NXN: variants seen among roughly 807,000 people sequenced by gnomAD.
NXN encodes the protein nucleoredoxin 1.
A neutral mutation model predicts 48.6 loss-of-function variants in NXN; 16 were observed. The ratio of observed to expected loss-of-function variants is 0.33; its 90% CI spans 0.22 to 0.50. The LOEUF (loss-of-function observed/expected upper bound fraction) is 0.50. Among genes scored for constraint, NXN ranks in the 20% least tolerant of loss-of-function variants. The pLI is 0.98. For missense variants in NXN, 492 were observed against 605.5 expected (o/e 0.81, Z 1.97); for synonymous variants, 281 against 269.6 (o/e 1.04, Z -0.41).
chr17:979,712 A>C lies in NXN; in HGVS notation c.-34T>G, dbSNP rs201224947. On this transcript the variant is annotated 5_prime_UTR_variant, in exon 1 of 8. Transcript: ENST00000336868. ...ACCGCAGGGCGGGCAGGCGGCTGCG[A>C]CCCCGCTCCACGGTCCGCGCGGCGG... 9.3e-3 allele frequency: 12,380 copies of C among 1,324,610 alleles called. 111 individuals carry two copies. The highest frequency in any genetic ancestry group is 0.03 in the South Asian group (1,649 of 54,534). 82.1% of individuals were successfully genotyped at this position (1,324,610 alleles called of 1,614,324 possible). A position where few individuals can be genotyped will look rare whatever the true frequency, so the allele number is the denominator to read the frequency against.
chr17:861,528 C>G (rs2068040513), intron 1 of NXN, among the ~76,000 whole-genome samples: 1 of 152,102 alleles, frequency 6.6e-6, no homozygotes, highest in Admixed American at 6.6e-5. Flanking sequence ...AAGGACCATC[C>G]CTCCACCAAA....
At chr17:951,491 C>T (rs2069110211) in intron 1 of NXN, among the ~76,000 whole-genome samples, 1 of 134,790 alleles carries the variant, frequency 7.4e-6, no homozygotes, top group African/African-American at 2.8e-5. Flanking sequence ...CTCACGCTCT[C>T]TTTTTGCAGA....
At chr17:861,911 C>A (rs1344426997) in intron 1 of NXN, among the ~76,000 whole-genome samples, 1 of 151,944 alleles carries the variant, frequency 6.6e-6, no homozygotes, top group Non-Finnish European at 1.5e-5. Flanking sequence ...CTCACTGCAA[C>A]CTCTGTCTCC....
At chr17:840,730 A>C (rs1363036566) in intron 1 of NXN, among the ~76,000 whole-genome samples, 1 of 152,168 alleles carries the variant, frequency 6.6e-6, no homozygotes, top group Non-Finnish European at 1.5e-5. Context: ...CGTGACAGGC[A>C]GAGGATCCGA....
Position 849,996 on chromosome 17 carries a change from C to A in NXN, c.361-23918G>T, listed in dbSNP as rs1437727290. Among the ~76,000 whole-genome samples, 1 of 152,096 alleles carries A rather than the reference C, an allele frequency of 6.6e-6. No homozygotes were observed. Among genetic ancestry groups the A allele is most frequent in the African/African-American group, 2.4e-5 (1 of 41,430 alleles). ...TGGGTGCCGTTCCTGCATCTGGAGGCCCCTGTGATGAAGGACTGTGTTCGG... is the reference window on the plus strand; with the variant it reads ...TGGGTGCCGTTCCTGCATCTGGAGGACCCTGTGATGAAGGACTGTGTTCGG... On this transcript the variant is annotated intron_variant, in intron 1 of 7. Coordinates refer to ENST00000336868, the MANE Select transcript of NXN (RefSeq NM_022463.5). The surrounding 1 kb of genome is among the most constrained non-coding windows in gnomAD (Gnocchi z 4.2).
chr17:842,983 AGAAAGAGAGAAAGAG>A (rs1567828919), intron 1 of NXN, among the ~76,000 whole-genome samples: 36 of 107,980 alleles, frequency 3.3e-4, no homozygotes, highest in African/African-American at 1.3e-3. Context: ...AGAGAAAGAG[AGAAAGAGAGAAAGAG>A]AGAAAGAGAG....
rs185264746 is a variant in NXN, at chr17:835,080, G to A, written c.361-9002C>T. Among the ~76,000 whole-genome samples, 1,205 of 151,464 alleles carry A rather than the reference G, an allele frequency of 8.0e-3. 15 individuals carry two copies. Among genetic ancestry groups the A allele is most frequent in the African/African-American group, 0.027 (1,108 of 41,380 alleles). On this transcript the variant is annotated intron_variant, in intron 1 of 7. Transcript: ENST00000336868. ...TCCCAGCACTTTGGGAGGCCGAGGC[G>A]GGCGGATCACAAGGTCAGGAGATCG... is the stretch of plus-strand genomic sequence containing the variant.
intron 5 of NXN, among the ~76,000 whole-genome samples, chr17:815,956 T>G (rs2144621474): frequency 6.6e-6 from 1 of 152,128 alleles, no homozygotes; most frequent in Admixed American, 6.5e-5. Context: ...AAGACACACA[T>G]CAGAGACCAT....
chr17:870,893 C>A (rs930040655), intron 1 of NXN, among the ~76,000 whole-genome samples: 2 of 152,072 alleles, frequency 1.3e-5, no homozygotes, highest in African/African-American at 4.8e-5. Context: ...GAGTCTCACT[C>A]TGTCGCCCAG....
At chr17:829,458 CTTTTTTTT>C (rs34243095) in intron 1 of NXN, among the ~76,000 whole-genome samples, 1 of 141,000 alleles carries the variant, frequency 7.1e-6, no homozygotes. Flanking sequence ...CTCGGACTAT[CTTTTTTTT>C]TTTTTTTTTA....
At chr17:911,451 T>C (rs1416941114) in intron 1 of NXN, among the ~76,000 whole-genome samples, 1 of 150,486 alleles carries the variant, frequency 6.6e-6, no homozygotes, top group Non-Finnish European at 1.5e-5. Flanking sequence ...GCCATTCTCC[T>C]GCCTCAGCTT....
In NXN at chr17:806,073, G is replaced by A. The variant is rs117182470; in HGVS notation, c.821-826C>T. ...TGCCGCCGGGGGGAACCTGAGGCTG[G>A]CCGCACCGGAGACTCGAAGAGGAGG... On this transcript the variant is annotated intron_variant, in intron 5 of 7. Coordinates refer to ENST00000336868, the MANE Select transcript of NXN (RefSeq NM_022463.5). Among the ~76,000 whole-genome samples the A allele has an allele frequency of 9.3e-5, 14 of 151,346 alleles. No homozygotes were observed. In the East Asian group the frequency reaches 2.4e-3, roughly 26 times the overall value.
chr17:954,124 T>C (rs1025838813), intron 1 of NXN, among the ~76,000 whole-genome samples: 1 of 151,862 alleles, frequency 6.6e-6, no homozygotes, highest in African/African-American at 2.4e-5. Flanking sequence ...ATGCCTGTCA[T>C]CCAAGCACTT....
At chr17:951,174 T>TG (rs1567516128) in intron 1 of NXN, among the ~76,000 whole-genome samples, 1 of 67,518 alleles carries the variant, frequency 1.5e-5, no homozygotes, top group Non-Finnish European at 2.7e-5. Flanking sequence ...CTGTCTCTAC[T>TG]TAAAAAAAAA....
chr17:812,642 GTGTGCA>G (rs1466220783), intron 5 of NXN, among the ~76,000 whole-genome samples: 5 of 142,906 alleles, frequency 3.5e-5, no homozygotes, highest in African/African-American at 1.0e-4. Flanking sequence ...GTGTGTGTGA[GTGTGCA>G]TGTGTGTGAC....
At chr17:853,068 C>T (rs1163747195) in intron 1 of NXN, among the ~76,000 whole-genome samples, 1 of 152,118 alleles carries the variant, frequency 6.6e-6, no homozygotes, top group East Asian at 2.0e-4. Context: ...AGCTCCACCC[C>T]CTGGGTTCAA....
intron 1 of NXN, among the ~76,000 whole-genome samples, chr17:945,866 C>T (rs1007434129): frequency 4.6e-5 from 7 of 152,132 alleles, no homozygotes; most frequent in Non-Finnish European, 1.0e-4. Flanking sequence ...GATAACCCAC[C>T]AATCAGGTGT....
chr17:834,743 C>A (rs900270319), intron 1 of NXN, among the ~76,000 whole-genome samples: 1 of 151,700 alleles, frequency 6.6e-6, no homozygotes, highest in Non-Finnish European at 1.5e-5. Context: ...TGGTCTCGAA[C>A]CTCCTGACCT....
intron 1 of NXN, among the ~76,000 whole-genome samples, chr17:852,264 G>T (rs2067931711): frequency 6.6e-6 from 1 of 152,058 alleles, no homozygotes; most frequent in South Asian, 2.1e-4. Context: ...GCGAGAACCT[G>T]CCTCAGCCAC....
Sources: gnomAD v4.1 joint callset for allele counts (sites outside exome capture counted in the v4.1 genomes callset) on GRCh38, gnomAD v4.1.1 for gene constraint, Gnocchi (gnomAD v3.1) non-coding constraint, MANE v1.5 for transcripts, NCBI Gene and HGNC (gene_info 2026-07-23, HGNC 2026-07-21) for gene names.